Variants in VPS13B observed in about 807,000 individuals in gnomAD.
VPS13B encodes the protein intermembrane lipid transfer protein VPS13B.
Under a neutral mutation model 426.4 loss-of-function variants are expected in VPS13B, and 285 were observed. The ratio of observed to expected loss-of-function variants is 0.67; its 90% confidence interval spans 0.61 to 0.74. The LOEUF (loss-of-function observed/expected upper bound fraction) is 0.74. Ranked by LOEUF, VPS13B falls within the 30% of genes least tolerant of loss-of-function variation. The pLI, the probability that VPS13B is intolerant of heterozygous loss-of-function variation, is 0.00. For missense variants in VPS13B, 4,537 were observed against 4,782.6 expected, an observed-to-expected ratio of 0.95 and a Z score of 1.51; for synonymous variants, 1,676 against 1,676.4, an observed-to-expected ratio of 1.00 and a Z score of 0.01.
At chr8:99,839,836 G>A (rs1815588848) in intron 54 of VPS13B, among the ~76,000 whole-genome samples, 1 of 152,206 alleles carries the variant, frequency 6.6e-6, no homozygotes, top group African/African-American at 2.4e-5. Flanking sequence ...GTGGCTATGA[G>A]AAATTTTCTT....
At chr8:99,375,299 A>G (rs568886007) in intron 19 of VPS13B, among the ~76,000 whole-genome samples, 6 of 152,188 alleles carry the variant, frequency 3.9e-5, no homozygotes, top group African/African-American at 7.2e-5. Context: ...CTTCTCTCCT[A>G]TAAGAGACCT....
At chr8:99,315,767 G>A (rs1205538224) in intron 19 of VPS13B, among the ~76,000 whole-genome samples, 1 of 152,002 alleles carries the variant, frequency 6.6e-6, no homozygotes. Flanking sequence ...CTCCCGAGTA[G>A]CTAGGACTAC....
chr8:99,024,304 T>A (rs556368524), intron 2 of VPS13B, among the ~76,000 whole-genome samples: 6 of 152,226 alleles, frequency 3.9e-5, no homozygotes, highest in African/African-American at 1.4e-4. Flanking sequence ...ACATGTGTGC[T>A]ATTGAGTTGT....
rs187624544 is a variant in VPS13B at position 99,201,186 on chromosome 8, T to C, written c.2515+8129T>C. Among the ~76,000 whole-genome samples, 518 of 152,244 alleles carry C rather than the reference T, an allele frequency of 3.4e-3. 3 individuals carry two copies. The highest frequency in any genetic ancestry group is 4.8e-3 in the Non-Finnish European group (328 of 67,970). ...ATAAGAAATGTGTATATGTTTCACT[T>C]TTACTACCACCAAAATAACTGTATC... On this transcript the variant is annotated intron_variant, in intron 17 of 61. Transcript: ENST00000357162.
At chr8:99,225,983 C>T (rs1005069894) in intron 17 of VPS13B, among the ~76,000 whole-genome samples, 114 of 152,158 alleles carry the variant, frequency 7.5e-4, no homozygotes, top group African/African-American at 2.5e-3. Flanking sequence ...CTCGCTCTGT[C>T]GCCCAGGCTG....
intron 2 of VPS13B, among the ~76,000 whole-genome samples, chr8:99,029,824 A>AGAGG (rs1237881285): frequency 2.0e-5 from 3 of 151,844 alleles, no homozygotes; most frequent in African/African-American, 7.3e-5. Context: ...AGGGAGAGGG[A>AGAGG]GAGGGAGAGG....
intron 17 of VPS13B, among the ~76,000 whole-genome samples, chr8:99,232,718 C>T (rs1352965501): frequency 1.3e-5 from 2 of 152,154 alleles, no homozygotes; most frequent in Non-Finnish European, 2.9e-5. Context: ...TGAACACGTT[C>T]ACCTATGTTA....
chr8:99,468,809 G>A (rs533218464), intron 24 of VPS13B, among the ~76,000 whole-genome samples: 1 of 152,208 alleles, frequency 6.6e-6, no homozygotes, highest in African/African-American at 2.4e-5. Context: ...TTACTATCAC[G>A]TGACAATTAA....
Position 99,192,912 on chromosome 8 carries a change from A to C in VPS13B, c.2370A>C (p.Ile790=). The change falls in exon 17 of 62, where the codon ATA becomes ATC. Residue 790 remains isoleucine (I), a synonymous_variant. Transcript: ENST00000357162. ...KRSQIAITEG[I]FELPNLTIQA... is the part of the protein sequence containing the mutation. ...CTCAGATTGCTATAACTGAAGGTAT[A>C]TTTGAACTTCCAAATCTCACAATTC... 1 of 1,613,460 alleles carries C rather than the reference A, an allele frequency of 6.2e-7. No individual in the cohort carries two copies. The highest frequency in any genetic ancestry group is 8.5e-7 in the Non-Finnish European group (1 of 1,179,780).
At chr8:99,373,840 T>G (rs1334578888) in intron 19 of VPS13B, among the ~76,000 whole-genome samples, 1 of 152,116 alleles carries the variant, frequency 6.6e-6, no homozygotes, top group Non-Finnish European at 1.5e-5. Flanking sequence ...AGACCCTGCT[T>G]CAAAAAAGTA....
At chr8:99,871,206 A>C in intron 60 of VPS13B, 1 of 631,740 alleles carries the variant, frequency 1.6e-6, no homozygotes, top group African/African-American at 1.8e-5. Context: ...TGCTATTTCT[A>C]ATGGGGAGAA....
At chr8:99,796,032 G>A (rs536375010) in intron 43 of VPS13B, among the ~76,000 whole-genome samples, 1 of 152,330 alleles carries the variant, frequency 6.6e-6, no homozygotes, top group South Asian at 2.1e-4. Context: ...GAATTTGCGA[G>A]TTGGGCTGTG....
intron 17 of VPS13B, among the ~76,000 whole-genome samples, chr8:99,235,977 A>G (rs1816622154): frequency 6.6e-6 from 1 of 152,174 alleles, no homozygotes; most frequent in African/African-American, 2.4e-5. Context: ...AAAGTTTAAA[A>G]ACAGCTGCGT....
At chr8:99,810,250 G>A (rs1449431741) in intron 44 of VPS13B, among the ~76,000 whole-genome samples, 1 of 152,210 alleles carries the variant, frequency 6.6e-6, no homozygotes, top group African/African-American at 2.4e-5. Context: ...AAAGAAGGAA[G>A]TATTAAAATC....
intron 19 of VPS13B, among the ~76,000 whole-genome samples, chr8:99,348,495 A>T (rs1415718853): frequency 1.3e-5 from 2 of 152,170 alleles, no homozygotes; most frequent in Non-Finnish European, 2.9e-5. Flanking sequence ...TATTTGTTTT[A>T]CCTCTGCAGT....
intron 23 of VPS13B, among the ~76,000 whole-genome samples, chr8:99,463,848 A>G (rs868583164): frequency 3.3e-5 from 5 of 152,080 alleles, no homozygotes; most frequent in Middle Eastern, 3.4e-3. Context: ...GTGCACCACC[A>G]TGTCTGGCTA....
At chr8:99,285,052 C>T (rs1819362060) in intron 19 of VPS13B, among the ~76,000 whole-genome samples, 1 of 152,140 alleles carries the variant, frequency 6.6e-6, no homozygotes, top group Admixed American at 6.5e-5. Flanking sequence ...TTTTCTGAGT[C>T]ATTTCTTTTC....
At chr8:99,646,757 T>C (rs528948470) in intron 34 of VPS13B, among the ~76,000 whole-genome samples, 1 of 152,166 alleles carries the variant, frequency 6.6e-6, no homozygotes, top group East Asian at 1.9e-4. Flanking sequence ...GATAAGTAAG[T>C]TCTTGCTCTG....
intron 17 of VPS13B, chr8:99,233,166 A>G: frequency 7.1e-7 from 1 of 1,400,684 alleles, no homozygotes; most frequent in South Asian, 1.2e-5. Flanking sequence ...AGTGCCCGAT[A>G]ATTCTGATGA....
Sources: gnomAD v4.1 joint callset for allele counts (sites outside exome capture counted in the v4.1 genomes callset) on GRCh38, gnomAD v4.1.1 for gene constraint, MANE v1.5 for transcripts, NCBI Gene and HGNC (gene_info 2026-07-23, HGNC 2026-07-21) for gene names.